TFB2M: variants seen among roughly 807,000 people sequenced by gnomAD.
TFB2M encodes the protein transcription factor B2, mitochondrial.
A neutral mutation model predicts 41.3 loss-of-function variants in TFB2M; 44 were observed. That is an observed-to-expected ratio of 1.07 (90% CI 0.84 to 1.37). The LOEUF is 1.37. TFB2M is among the 40% of genes most tolerant of loss of function. TFB2M has a pLI of 0.00. For missense variants in TFB2M, 496 were observed against 490.2 expected (o/e 1.01, Z -0.11); for synonymous variants, 188 against 176.8 (o/e 1.06, Z -0.50).
intron 1 of TFB2M, among the ~76,000 whole-genome samples, chr1:246,565,041 T>G (rs566538856): frequency 1.3e-5 from 2 of 152,160 alleles, no homozygotes; most frequent in African/African-American, 4.8e-5. Context: ...CACAGCAAAA[T>G]AGATTGCCTC....
In TFB2M at chr1:246,544,581, A is replaced by C. The variant is rs1221880177; in HGVS notation, c.959T>G (p.Phe320Cys). ...KNLTPMNYNI[F>C]FHLLKHCFGR... is the part of the protein sequence containing the mutation. ...AAAACAGTGCTTTAACAAGTGAAAA[A>C]ATATATTATAGTTCATAGGTGTTAA... Residue 320 changes from phenylalanine (F) to cysteine (C), a missense_variant, in exon 7 of 8, where the codon TTT (phenylalanine) becomes TGT (cysteine). Phe to Cys is a radical substitution (Grantham distance 205, BLOSUM62 -2). Coordinates refer to ENST00000366514, the MANE Select transcript of TFB2M (RefSeq NM_022366.3). 6.2e-7 allele frequency: 1 copy of C among 1,611,348 alleles called. No homozygotes were observed. Among genetic ancestry groups the C allele is most frequent in the South Asian group, 1.1e-5 (1 of 90,124 alleles).
At chr1:246,553,153 G>T (rs915248172) in intron 4 of TFB2M, among the ~76,000 whole-genome samples, 4 of 152,076 alleles carry the variant, frequency 2.6e-5, no homozygotes, top group Admixed American at 1.3e-4. Context: ...ACTGGGAGGC[G>T]GAGGTTGCAG....
chr1:246,541,145 A>T lies in TFB2M; in HGVS notation c.1077T>A (p.Asp359Glu). ...DILMQIGKQE[D>E]EKVVNMHPQD... The stretch of plus-strand genomic sequence containing the variant: ...GAGGGTGCATGTTAACTACTTTCTC[A>T]TCCTCCTGTTTTCCTATTTGCATCA... The change falls in exon 8 of 8, where the codon GAT (aspartate) becomes GAA (glutamate). Residue 359 changes from aspartate (D) to glutamate (E), a missense_variant. Coordinates refer to ENST00000366514, the MANE Select transcript of TFB2M (RefSeq NM_022366.3). 1 of 1,613,918 alleles carries T rather than the reference A, an allele frequency of 6.2e-7. No homozygotes were observed. The highest frequency in any genetic ancestry group is 8.5e-7 in the Non-Finnish European group (1 of 1,179,824).
At chr1:246,543,344 C>T (rs937393177) in intron 7 of TFB2M, among the ~76,000 whole-genome samples, 5 of 152,172 alleles carry the variant, frequency 3.3e-5, no homozygotes, top group African/African-American at 7.2e-5. Context: ...CTTACAGGGA[C>T]GTATGCATCA....
intron 6 of TFB2M, among the ~76,000 whole-genome samples, chr1:246,546,511 G>A (rs988285691): frequency 6.6e-6 from 1 of 151,770 alleles, no homozygotes; most frequent in Non-Finnish European, 1.5e-5. Context: ...GCATTCGGGA[G>A]GGTGAGGCAG....
At chr1:246,546,847 A>G (rs936043094) in intron 6 of TFB2M, among the ~76,000 whole-genome samples, 4 of 152,164 alleles carry the variant, frequency 2.6e-5, no homozygotes, top group Admixed American at 6.5e-5. Context: ...AACTGCTTCC[A>G]TAGCAATATG....
At chr1:246,560,094 C>CT (rs888538205) in intron 2 of TFB2M, among the ~76,000 whole-genome samples, 4,071 of 145,124 alleles carry the variant, frequency 0.028, 155 homozygotes, top group African/African-American at 0.088. Flanking sequence ...TATGCATGGA[C>CT]TTTTTTTTTT....
In TFB2M at chr1:246,556,712, A is replaced by T. The variant is rs1659332453; in HGVS notation, c.566T>A (p.Leu189Ter). 1.3e-6 allele frequency: 2 copies of T among 1,563,974 alleles called. No homozygotes were observed. Among genetic ancestry groups the T allele is most frequent in the South Asian group, 2.5e-5 (2 of 80,248 alleles). Residue 189 changes from leucine (L) to a stop codon, truncating the protein, a stop_gained, in exon 4 of 8, where the codon TTA (leucine) becomes TAA (stop). Transcript: ENST00000366514. LOFTEE classifies it high-confidence loss of function. ...EAVPWTADIPLKVVGMFPSRG... is the reference protein window; with the variant it reads ...EAVPWTADIP ...ACTTGGGAACATTCCAACTACTTTT[A>T]AAGGGATGTCTGTTAGGAATATAAG...
chr1:246,543,885 G>C (rs1179315281), intron 7 of TFB2M, among the ~76,000 whole-genome samples: 1 of 151,934 alleles, frequency 6.6e-6, no homozygotes, highest in Non-Finnish European at 1.5e-5. Context: ...AGCTACTCAG[G>C]AGGCTGAGGT....
chr1:246,556,954 T>C (rs1389389192), intron 3 of TFB2M, among the ~76,000 whole-genome samples: 1 of 152,120 alleles, frequency 6.6e-6, no homozygotes, highest in African/African-American at 2.4e-5. Flanking sequence ...CATCTGCTCA[T>C]AAACTGTATT....
chr1:246,545,359 T>C (rs1017118584), intron 6 of TFB2M, among the ~76,000 whole-genome samples: 1 of 151,826 alleles, frequency 6.6e-6, no homozygotes, highest in Admixed American at 6.6e-5. Flanking sequence ...CAAAACCCCA[T>C]CTCTATAAAA....
At chr1:246,545,569 T>C (rs1035632129) in intron 6 of TFB2M, among the ~76,000 whole-genome samples, 53 of 151,556 alleles carry the variant, frequency 3.5e-4, no homozygotes, top group African/African-American at 1.0e-3. Flanking sequence ...GGAGGATTCA[T>C]TGGGAGGCTG....
At chr1:246,565,012 C>T (rs80149248) in intron 1 of TFB2M, among the ~76,000 whole-genome samples, 3 of 152,252 alleles carry the variant, frequency 2.0e-5, no homozygotes, top group Non-Finnish European at 2.9e-5. Context: ...TGATTCACTA[C>T]CTCTTAGAAG....
chr1:246,557,549 A>G lies in TFB2M; in HGVS notation c.403-15T>C, dbSNP rs1659357000. On this transcript the variant is annotated splice_polypyrimidine_tract_variant and intron_variant, in intron 2 of 7. Transcript: ENST00000366514. The stretch of plus-strand genomic sequence containing the variant: ...TTTCCTAAGGACTAAAGAGAGACAA[A>G]GATAACACGTTAAAAATTTTCAGCA... 1.3e-6 allele frequency: 2 copies of G among 1,550,106 alleles called. No individual in the cohort carries two copies. The highest frequency in any genetic ancestry group is 1.4e-5 in the African/African-American group (1 of 71,624).
In TFB2M at chr1:246,544,945, A is replaced by G. The variant is rs201337515; in HGVS notation, c.859-264T>C. Among the ~76,000 whole-genome samples, 1,303 of 152,154 alleles carry G rather than the reference A, an allele frequency of 8.6e-3. 12 individuals carry two copies. The highest frequency in any genetic ancestry group is 0.012 in the Non-Finnish European group (814 of 67,998). ...CTCAGCCTCCCGAGTAGCTGGGACTACAGGCGCCCACCACCACGCCTGGCT... is the reference window on the plus strand; with the variant it reads ...CTCAGCCTCCCGAGTAGCTGGGACTGCAGGCGCCCACCACCACGCCTGGCT... On this transcript the variant is annotated intron_variant, in intron 6 of 7. Coordinates refer to ENST00000366514, the MANE Select transcript of TFB2M (RefSeq NM_022366.3).
intron 2 of TFB2M, among the ~76,000 whole-genome samples, chr1:246,563,534 G>T (rs895389634): frequency 6.6e-5 from 10 of 151,860 alleles, no homozygotes; most frequent in African/African-American, 2.4e-4. Context: ...AACTTGGGAG[G>T]CAGTGGTTAC....
intron 7 of TFB2M, among the ~76,000 whole-genome samples, chr1:246,542,354 A>C (rs1240225267): frequency 6.6e-6 from 1 of 151,856 alleles, no homozygotes; most frequent in African/African-American, 2.4e-5. Flanking sequence ...AACCATCAAT[A>C]AGCCTCCAAC....
At chr1:246,548,943 A>C (rs1217931708) in intron 5 of TFB2M, among the ~76,000 whole-genome samples, 1 of 152,246 alleles carries the variant, frequency 6.6e-6, no homozygotes, top group Non-Finnish European at 1.5e-5. Context: ...GGGATATTAG[A>C]TTAATGCTGA....
At chr1:246,565,103 T>C (rs758988252) in intron 1 of TFB2M, among the ~76,000 whole-genome samples, 44 of 152,222 alleles carry the variant, frequency 2.9e-4, no homozygotes, top group East Asian at 1.9e-4. Flanking sequence ...ATCAAAGAGA[T>C]TGTCAAGCCT....
Sources: allele counts gnomAD v4.1 joint callset (sites outside exome capture counted in the v4.1 genomes callset), GRCh38; gene constraint gnomAD v4.1.1; transcripts MANE v1.5; gene names NCBI Gene and HGNC (gene_info 2026-07-23, HGNC 2026-07-21).